Variants in NFIB observed in about 807,000 individuals in gnomAD.
NFIB encodes nuclear factor 1 B-type.
A neutral mutation model predicts 61.5 loss-of-function variants in NFIB; 11 were observed. The ratio of observed to expected loss-of-function variants is 0.18; its 90% CI spans 0.11 to 0.30. The LOEUF (loss-of-function observed/expected upper bound fraction) is 0.30, where lower values mean the gene tolerates loss of function less well. Among genes scored for constraint, NFIB ranks in the 10% least tolerant of loss-of-function variants. The probability of loss-of-function intolerance (pLI) is 1.00; values close to 1 mark genes in which losing one functional copy is unlikely to be tolerated. For missense variants in NFIB, 471 were observed against 608.9 expected, an observed-to-expected ratio of 0.77 and a Z score of 2.38; for synonymous variants, 260 against 216.5, an observed-to-expected ratio of 1.20 and a Z score of -1.76.
At chr9:14,278,837 G>C (rs1392050790) in intron 2 of NFIB, among the ~76,000 whole-genome samples, 2 of 152,062 alleles carry the variant, frequency 1.3e-5, no homozygotes, top group East Asian at 3.9e-4. Flanking sequence ...TCCAGCAGTA[G>C]AACTTCACGC....
intron 2 of NFIB, among the ~76,000 whole-genome samples, chr9:14,280,228 C>T (rs887480557): frequency 3.9e-5 from 6 of 152,124 alleles, no homozygotes; most frequent in African/African-American, 1.4e-4. Context: ...AGGCTGATTC[C>T]ACCACTTGCT....
intron 2 of NFIB, among the ~76,000 whole-genome samples, chr9:14,262,664 G>A (rs897328026): frequency 2.6e-5 from 4 of 152,180 alleles, no homozygotes; most frequent in Non-Finnish European, 1.5e-5. Flanking sequence ...TTCTCCTTTC[G>A]TAAATTCTGT....
Position 14,170,290 on chromosome 9 carries a change from T to C in NFIB, c.616+9437A>G, listed in dbSNP as rs575363199. On this transcript the variant is annotated intron_variant, in intron 3 of 10. Coordinates refer to ENST00000380953, the MANE Select transcript of NFIB (RefSeq NM_001190737.2). ...ATGTGGCAAAAGCAGATCTTGTAAA[T>C]ATGGAGAGGGAAAGAATTTAAACTG... Among the ~76,000 whole-genome samples the C allele has an allele frequency of 8.0e-4, 121 of 152,188 alleles. 1 individual carries two copies. The South Asian group carries it at 0.025, about 31-fold the overall frequency.
At chr9:14,511,844 T>C in the NFIB span, among the ~76,000 whole-genome samples, 5 of 152,240 alleles carry the variant, frequency 3.3e-5, no homozygotes, top group Non-Finnish European at 7.3e-5. Context: ...TTTCCATTTT[T>C]TCTTGGATCT....
chr9:14,471,489 G>A, the NFIB span, among the ~76,000 whole-genome samples: 2 of 152,224 alleles, frequency 1.3e-5, no homozygotes, highest in Non-Finnish European at 2.9e-5. Flanking sequence ...TAAGCAACAC[G>A]TGGAAAAGAA....
chr9:14,306,139 A>G (rs1376295407), intron 2 of NFIB: 9 of 355,270 alleles, frequency 2.5e-5, no homozygotes, highest in African/African-American at 1.7e-4. Flanking sequence ...TCTCCTTCTC[A>G]GGTATTTTAA....
chr9:14,316,895 A>G (rs934106745), upstream of NFIB, among the ~76,000 whole-genome samples: 2 of 152,204 alleles, frequency 1.3e-5, no homozygotes, highest in East Asian at 3.9e-4. Context: ...CTTGGCAGGA[A>G]TGCACTAATA....
intron 10 of NFIB, among the ~76,000 whole-genome samples, chr9:14,105,348 T>C (rs2036401902): frequency 6.6e-6 from 1 of 152,202 alleles, no homozygotes; most frequent in Non-Finnish European, 1.5e-5. Context: ...GCCAAATAAA[T>C]TGGCAATATA....
At chr9:14,455,078 A>G in the NFIB span, among the ~76,000 whole-genome samples, 69,265 of 152,046 alleles carry the variant, frequency 0.46, 16,076 homozygotes, top group Admixed American at 0.56. Context: ...TTTGACTGAT[A>G]CAAATACCTG....
chr9:14,150,871 T>C (rs935122629), intron 4 of NFIB, among the ~76,000 whole-genome samples: 1 of 152,148 alleles, frequency 6.6e-6, no homozygotes, highest in Non-Finnish European at 1.5e-5. Context: ...AGGTGATGGA[T>C]ACCCCATTTA....
the NFIB span, among the ~76,000 whole-genome samples, chr9:14,464,803 C>T: frequency 6.6e-6 from 1 of 152,134 alleles, no homozygotes; most frequent in Non-Finnish European, 1.5e-5. Context: ...TTGTTACTTG[C>T]TGGCTGAGCG....
chr9:14,432,308 G>T, the NFIB span, among the ~76,000 whole-genome samples: 55,095 of 152,110 alleles, frequency 0.36, 10,947 homozygotes, highest in Admixed American at 0.52. Flanking sequence ...GCAACATTCA[G>T]AAAGAAATAT....
At chr9:14,217,908 A>C (rs2131801208) in intron 2 of NFIB, among the ~76,000 whole-genome samples, 1 of 152,268 alleles carries the variant, frequency 6.6e-6, no homozygotes, top group Middle Eastern at 3.4e-3. Flanking sequence ...ATCTGGGTTA[A>C]GTCAGAATGA....
At chr9:14,217,275 T>C (rs1285264827) in intron 2 of NFIB, among the ~76,000 whole-genome samples, 1 of 152,232 alleles carries the variant, frequency 6.6e-6, no homozygotes, top group Non-Finnish European at 1.5e-5. Flanking sequence ...AATTAGATCT[T>C]CTTATAAATT....
chr9:14,167,710 G>A (rs2045043900), intron 3 of NFIB, among the ~76,000 whole-genome samples: 1 of 152,164 alleles, frequency 6.6e-6, no homozygotes, highest in South Asian at 2.1e-4. Context: ...AAGTGAATCA[G>A]AAACATTCAG....
At chr9:14,372,393 A>T (rs1445297171) in intron 1 of NFIB, among the ~76,000 whole-genome samples, 3 of 152,202 alleles carry the variant, frequency 2.0e-5, no homozygotes, top group African/African-American at 7.2e-5. Flanking sequence ...CATTATACAG[A>T]ATTTATATAA....
At chr9:14,210,867 T>C (rs1393059506) in intron 2 of NFIB, among the ~76,000 whole-genome samples, 1 of 152,188 alleles carries the variant, frequency 6.6e-6, no homozygotes, top group Non-Finnish European at 1.5e-5. Flanking sequence ...TCAGTGCTAA[T>C]ATGTATCAAA....
chr9:14,259,149 A>G (rs1336866153), intron 2 of NFIB, among the ~76,000 whole-genome samples: 1 of 152,212 alleles, frequency 6.6e-6, no homozygotes, highest in Non-Finnish European at 1.5e-5. Context: ...CATCTCATTC[A>G]TTGTTACATA....
chr9:14,218,164 T>C (rs1306818226), intron 2 of NFIB, among the ~76,000 whole-genome samples: 1 of 152,204 alleles, frequency 6.6e-6, no homozygotes, highest in Non-Finnish European at 1.5e-5. Flanking sequence ...AGGCATACTT[T>C]TTCCCAGAGG....
Sources: allele counts gnomAD v4.1 joint callset (sites outside exome capture counted in the v4.1 genomes callset), GRCh38; gene constraint gnomAD v4.1.1; transcripts MANE v1.5; gene names NCBI Gene and HGNC (gene_info 2026-07-23, HGNC 2026-07-21).